EXOC2: variants seen among roughly 807,000 people sequenced by gnomAD.
The protein encoded by EXOC2 is SEC5-like 1.
EXOC2 carries 70 observed loss-of-function variants against 131.8 expected under a neutral mutation model. That is an observed-to-expected ratio of 0.53 (90% CI 0.44 to 0.65). The LOEUF is 0.65. EXOC2 is among the 30% of genes least tolerant of loss of function. The pLI is 0.00. For synonymous variants in EXOC2, 411 were observed against 398.4 expected, an observed-to-expected ratio of 1.03 and a Z score of -0.38; for missense variants, 923 against 1,108.6, an observed-to-expected ratio of 0.83 and a Z score of 2.38.
At chr6:513,223 C>T (rs1764954694) in intron 23 of EXOC2, among the ~76,000 whole-genome samples, 1 of 152,246 alleles carries the variant, frequency 6.6e-6, no homozygotes, top group Non-Finnish European at 1.5e-5. Context: ...TGGGGAAGAG[C>T]CAGACCACGT....
intron 11 of EXOC2, among the ~76,000 whole-genome samples, chr6:584,672 C>T (rs1416712558): frequency 6.6e-6 from 1 of 152,188 alleles, no homozygotes; most frequent in African/African-American, 2.4e-5. Context: ...GAACCTGAGC[C>T]AGGTATAAAT....
chr6:532,753 A>G (rs1018769245), intron 22 of EXOC2, 143 bp from the exon 23 acceptor site: 30 of 755,284 alleles, frequency 4.0e-5, no homozygotes, highest in Non-Finnish European at 5.7e-5. Context: ...ATATATTTTC[A>G]GTAACAAAGA....
At chr6:605,792 T>C (rs113749022) in intron 7 of EXOC2, among the ~76,000 whole-genome samples, 13,599 of 152,236 alleles carry the variant, frequency 0.089, 1,037 homozygotes, top group African/African-American at 0.21. Flanking sequence ...AATTGTGATG[T>C]TAGGGTGTCA....
At chr6:577,485 AT>A (rs1758648785) in intron 11 of EXOC2, among the ~76,000 whole-genome samples, 1 of 152,218 alleles carries the variant, frequency 6.6e-6, no homozygotes, top group South Asian at 2.1e-4. Flanking sequence ...AACCGGCAGG[AT>A]AAAGTCTACC....
intron 7 of EXOC2, among the ~76,000 whole-genome samples, chr6:608,152 T>A (rs115531322): frequency 6.6e-6 from 1 of 152,380 alleles, no homozygotes; most frequent in African/African-American, 2.4e-5. Flanking sequence ...CAGAACTGAC[T>A]GAATCTTTGT....
chr6:683,756 T>A (rs1250362411), intron 1 of EXOC2, among the ~76,000 whole-genome samples: 1 of 152,224 alleles, frequency 6.6e-6, no homozygotes, highest in African/African-American at 2.4e-5. Context: ...CTGCTTTCCT[T>A]CTCTAGCTCT....
chr6:619,681 CAT>C (rs1179484669), intron 4 of EXOC2, 138 bp from the exon 5 acceptor site: 1 of 559,128 alleles, frequency 1.8e-6, no homozygotes, highest in Non-Finnish European at 3.2e-6. Flanking sequence ...TTACCCAGAA[CAT>C]GTTTGTATAT....
intron 13 of EXOC2, among the ~76,000 whole-genome samples, chr6:571,403 A>T (rs1251175923): frequency 6.6e-6 from 1 of 152,214 alleles, no homozygotes; most frequent in Non-Finnish European, 1.5e-5. Context: ...CATTCACATA[A>T]ACAAGGCTGC....
At chr6:656,830 G>C (rs1305436973) in intron 1 of EXOC2, 2 of 1,610,298 alleles carry the variant, frequency 1.2e-6, no homozygotes, top group South Asian at 2.2e-5. Flanking sequence ...CCGAAGCACA[G>C]GCTGTCAGGG....
At chr6:490,015 C>A (rs575650051) in intron 26 of EXOC2, among the ~76,000 whole-genome samples, 1 of 152,304 alleles carries the variant, frequency 6.6e-6, no homozygotes, top group South Asian at 2.1e-4. Flanking sequence ...CGGCCTCTTT[C>A]CTGGTGTGGA....
intron 11 of EXOC2, among the ~76,000 whole-genome samples, chr6:580,246 T>C (rs188049440): frequency 1.8e-4 from 27 of 152,304 alleles, no homozygotes; most frequent in Non-Finnish European, 3.5e-4. Flanking sequence ...TTCACTATGT[T>C]GGCCAGGCTG....
chr6:657,080 C>T (rs1006287886), intron 1 of EXOC2: 1 of 726,034 alleles, frequency 1.4e-6, no homozygotes, highest in South Asian at 2.7e-5. Context: ...ACTCGGGTTC[C>T]CGGTTGCGGT....
Position 664,220 on chromosome 6 carries a change from A to C in EXOC2, c.-43-26359T>G, listed in dbSNP as rs1025153319. On this transcript the variant is annotated intron_variant, in intron 1 of 27. Transcript: ENST00000230449. ...ATAAAATAAAATAAAATACTTAGGA[A>C]TATACCTAACCAAAAACAGGTCTTT... is the stretch of plus-strand genomic sequence containing the variant. Among the ~76,000 whole-genome samples, 4 of 152,214 alleles carry C rather than the reference A, an allele frequency of 2.6e-5. No individual in the cohort carries two copies. The South Asian group carries it at 8.3e-4, about 32-fold the overall frequency.
intron 20 of EXOC2, among the ~76,000 whole-genome samples, chr6:554,336 G>A (rs769566530): frequency 6.6e-6 from 1 of 152,116 alleles, no homozygotes; most frequent in East Asian, 1.9e-4. Context: ...CACCATGTCC[G>A]GCCAGAAACT....
rs148201612 is a variant in EXOC2, at chr6:587,593, T to C, written c.1192+4876A>G. Among the ~76,000 whole-genome samples the C allele has an allele frequency of 2.2e-4, 33 of 152,292 alleles. No homozygotes were observed. In the East Asian group the frequency reaches 5.4e-3, roughly 25 times the overall value. ...ACATGTGTGCAATGACATACACATA[T>C]AGAAATGATCACATACAGAAAAACA... On this transcript the variant is annotated intron_variant, in intron 11 of 27. Coordinates refer to ENST00000230449, the MANE Select transcript of EXOC2 (RefSeq NM_018303.6).
chr6:630,278 C>T (rs967215520), intron 3 of EXOC2, among the ~76,000 whole-genome samples: 19 of 152,104 alleles, frequency 1.2e-4, no homozygotes, highest in African/African-American at 4.3e-4. Flanking sequence ...ATAATAAACA[C>T]TACAATTAAA....
chr6:657,342 A>G, intron 1 of EXOC2: 1 of 160,432 alleles, frequency 6.2e-6, no homozygotes, highest in Non-Finnish European at 1.4e-5. Flanking sequence ...ATCAATCGGC[A>G]TATAAGAAGA....
chr6:549,117 G>T, intron 22 of EXOC2, 58 bp downstream of exon 22: 1 of 1,419,328 alleles, frequency 7.0e-7, no homozygotes, highest in Non-Finnish European at 1.0e-6. Context: ...CTAGGAAACA[G>T]CTTGAAAACT....
At chr6:628,025 T>C (rs1761666009) in intron 4 of EXOC2, among the ~76,000 whole-genome samples, 1 of 152,194 alleles carries the variant, frequency 6.6e-6, no homozygotes, top group Non-Finnish European at 1.5e-5. Flanking sequence ...GAACAATGAA[T>C]AGTATATATC....
Sources: gnomAD v4.1 joint callset for allele counts (sites outside exome capture counted in the v4.1 genomes callset) on GRCh38, gnomAD v4.1.1 for gene constraint, MANE v1.5 for transcripts, NCBI Gene and HGNC (gene_info 2026-07-23, HGNC 2026-07-21) for gene names.